ZFHX4: variants seen among roughly 807,000 people sequenced by gnomAD.
ZFHX4 encodes zinc finger homeobox 4.
A neutral mutation model predicts 267.6 loss-of-function variants in ZFHX4; 56 were observed. The observed-to-expected ratio is 0.21, with a 90% CI of 0.17 to 0.26. The LOEUF (loss-of-function observed/expected upper bound fraction) is 0.26, where lower values mean the gene tolerates loss of function less well. ZFHX4 is among the 10% of genes least tolerant of loss of function. ZFHX4 has a pLI of 1.00. For missense variants in ZFHX4, 4,332 were observed against 4,420.0 expected, an observed-to-expected ratio of 0.98 and a Z score of 0.56; for synonymous variants, 1,778 against 1,665.6, an observed-to-expected ratio of 1.07 and a Z score of -1.64.
intron 3 of ZFHX4, among the ~76,000 whole-genome samples, chr8:76,749,746 G>T (rs561614702): frequency 6.6e-6 from 1 of 152,184 alleles, no homozygotes; most frequent in South Asian, 2.1e-4. Flanking sequence ...AATACATGTT[G>T]TTTATCTTAT....
intron 10 of ZFHX4, among the ~76,000 whole-genome samples, chr8:76,859,468 T>C (rs1303115384): frequency 6.6e-6 from 1 of 152,196 alleles, no homozygotes; most frequent in Non-Finnish European, 1.5e-5. Context: ...TAGAAAACTT[T>C]AAATTTATAT....
intron 4 of ZFHX4, among the ~76,000 whole-genome samples, chr8:76,826,451 T>A (rs1438647385): frequency 6.6e-6 from 1 of 152,180 alleles, no homozygotes; most frequent in Non-Finnish European, 1.5e-5. Flanking sequence ...TGGATAACTA[T>A]TTTTTTCTTA....
At chr8:76,796,678 C>G (rs2131817600) in intron 4 of ZFHX4, among the ~76,000 whole-genome samples, 1 of 152,286 alleles carries the variant, frequency 6.6e-6, no homozygotes, top group African/African-American at 2.4e-5. Context: ...CCACACCACC[C>G]TGGAGAGTTT....
intron 4 of ZFHX4, among the ~76,000 whole-genome samples, chr8:76,820,131 G>C (rs1271966106): frequency 1.3e-5 from 2 of 152,056 alleles, no homozygotes; most frequent in African/African-American, 4.8e-5. Context: ...TTCTGCCTTT[G>C]GCTGAAATTA....
chr8:76,683,369 A>T (rs1807599933), intron 1 of ZFHX4: 1 of 105,950 alleles, frequency 9.4e-6, no homozygotes, highest in Non-Finnish European at 1.8e-5. Context: ...CAAAAAAAGC[A>T]CACACACACA....
At chr8:76,742,713 C>T (rs1274208561) in intron 3 of ZFHX4, among the ~76,000 whole-genome samples, 1 of 152,130 alleles carries the variant, frequency 6.6e-6, no homozygotes, top group African/African-American at 2.4e-5. Context: ...AAATCATTGA[C>T]TGAGTACCAC....
chr8:76,852,635 G>A lies in ZFHX4; in HGVS notation c.5714G>A (p.Arg1905Lys), dbSNP rs1812566293. 1.2e-6 allele frequency: 2 copies of A among 1,613,250 alleles called. No individual in the cohort carries two copies. The highest frequency in any genetic ancestry group is 2.2e-5 in the East Asian group (1 of 44,792). The change falls in exon 10 of 11, where the codon AGA becomes AAA. Residue 1905 changes from arginine (R) to lysine (K), a missense_variant. Coordinates refer to ENST00000651372, the MANE Select transcript of ZFHX4 (RefSeq NM_024721.5). Reference protein sequence around the residue: ...IPPPRIASGARGNAAKALLEN... With the variant: ...IPPPRIASGAKGNAAKALLEN... ...CCACCCCGAATAGCTTCAGGGGCCA[G>A]AGGAAATGCTGCCAAAGCGTTATTG...
chr8:76,718,457 T>TA (rs779383541), intron 3 of ZFHX4, among the ~76,000 whole-genome samples: 1 of 152,154 alleles, frequency 6.6e-6, no homozygotes, highest in African/African-American at 2.4e-5. Flanking sequence ...TTAGGTAATT[T>TA]AAAAAACCCG....
intron 3 of ZFHX4, among the ~76,000 whole-genome samples, chr8:76,773,512 G>T (rs1422452430): frequency 6.6e-6 from 1 of 152,088 alleles, no homozygotes; most frequent in Non-Finnish European, 1.5e-5. Flanking sequence ...TTTGACAGGT[G>T]GTTTGGAAGT....
intron 10 of ZFHX4, among the ~76,000 whole-genome samples, chr8:76,862,095 C>T (rs941843272): frequency 1.3e-5 from 2 of 152,174 alleles, no homozygotes; most frequent in African/African-American, 4.8e-5. Context: ...TTTACAAGTC[C>T]CTTTTCTATC....
At chr8:76,838,673 A>G (rs1360653887) in intron 5 of ZFHX4, among the ~76,000 whole-genome samples, 2 of 152,188 alleles carry the variant, frequency 1.3e-5, no homozygotes, top group African/African-American at 2.4e-5. Context: ...TCCTCTTTAT[A>G]TGATCACTTC....
chr8:76,786,286 G>A (rs542303107), intron 4 of ZFHX4, among the ~76,000 whole-genome samples: 13 of 151,488 alleles, frequency 8.6e-5, no homozygotes, highest in Admixed American at 4.6e-4. Context: ...AAAATTGCTC[G>A]TCATTTTGTT....
chr8:76,685,423 T>G (rs568878482), intron 1 of ZFHX4, among the ~76,000 whole-genome samples: 1 of 152,324 alleles, frequency 6.6e-6, no homozygotes, highest in Admixed American at 6.5e-5. Context: ...TCATAGACCG[T>G]TTTAGGATTT....
At chr8:76,696,993 G>A (rs1807975915) in intron 1 of ZFHX4, among the ~76,000 whole-genome samples, 1 of 151,930 alleles carries the variant, frequency 6.6e-6, no homozygotes, top group Non-Finnish European at 1.5e-5. Flanking sequence ...AAATAGGAAT[G>A]TTTGCTGGTG....
intron 3 of ZFHX4, among the ~76,000 whole-genome samples, chr8:76,728,260 A>G (rs1035121388): frequency 1.3e-5 from 2 of 152,198 alleles, no homozygotes; most frequent in Non-Finnish European, 2.9e-5. Flanking sequence ...CATCCTGGTC[A>G]CGGTTAAATC....
intron 6 of ZFHX4, among the ~76,000 whole-genome samples, chr8:76,847,088 T>C (rs773846966): frequency 6.6e-6 from 1 of 152,196 alleles, no homozygotes; most frequent in Non-Finnish European, 1.5e-5. Flanking sequence ...CATTGGTTGA[T>C]TTAAATGGCA....
chr8:76,855,696 T>C lies in ZFHX4; in HGVS notation c.8775T>C (p.Asp2925=). 1.2e-6 allele frequency: 2 copies of C among 1,613,790 alleles called. No individual in the cohort carries two copies. Among genetic ancestry groups the C allele is most frequent in the Admixed American group, 1.7e-5 (1 of 60,008 alleles). The change falls in exon 10 of 11, where the codon GAT becomes GAC. Residue 2925 remains aspartate, a synonymous_variant. Coordinates refer to ENST00000651372, the MANE Select transcript of ZFHX4 (RefSeq NM_024721.5). ...ATCCCTTTAAATCCAAAAGTAATGATCGGCCGGGTCACAAGCGTTTTCGAA... is the reference window on the plus strand; with the variant it reads ...ATCCCTTTAAATCCAAAAGTAATGACCGGCCGGGTCACAAGCGTTTTCGAA... ...SSNPFKSKSN[D]RPGHKRFRTQ... is the part of the protein sequence containing the mutation.
chr8:76,828,127 T>TTG (rs764449734), intron 4 of ZFHX4, among the ~76,000 whole-genome samples: 11 of 152,218 alleles, frequency 7.2e-5, no homozygotes, highest in Admixed American at 2.0e-4. Context: ...ACACACTGAC[T>TTG]TGACTTTTGC....
Position 76,853,953 on chromosome 8 carries a change from A to C in ZFHX4, c.7032A>C (p.Gln2344His), listed in dbSNP as rs762364915. Residue 2344 changes from glutamine to histidine, a missense_variant, in exon 10 of 11, where the codon CAA becomes CAC. Physicochemically the swap from Gln to His is conservative, Grantham distance 24 (BLOSUM62 0). Coordinates refer to ENST00000651372, the MANE Select transcript of ZFHX4 (RefSeq NM_024721.5). Reference sequence around the variant, plus strand: ...ACAAGGATGAAGATGATGATGCCCAAGATGAAAGCCAAACAGAAGACTCCA... The same window carrying C: ...ACAAGGATGAAGATGATGATGCCCACGATGAAAGCCAAACAGAAGACTCCA... ...QCYKDEDDDA[Q>H]DESQTEDSMD... is the part of the protein sequence containing the mutation. The C allele has an allele frequency of 6.2e-7, 1 of 1,613,776 alleles. No homozygotes were observed. The highest frequency in any genetic ancestry group is 8.5e-7 in the Non-Finnish European group (1 of 1,179,878).
Sources: allele counts gnomAD v4.1 joint callset (sites outside exome capture counted in the v4.1 genomes callset), GRCh38; gene constraint gnomAD v4.1.1; transcripts MANE v1.5; gene names NCBI Gene and HGNC (gene_info 2026-07-23, HGNC 2026-07-21).